Variants in NFATC2 observed in about 807,000 individuals in gnomAD.
NFATC2 encodes the protein nuclear factor of activated T cells 2.
Under a neutral mutation model 87.3 loss-of-function variants are expected in NFATC2, and 22 were observed. The observed-to-expected ratio is 0.25, with a 90% CI of 0.18 to 0.36. The LOEUF (loss-of-function observed/expected upper bound fraction) is 0.36, where lower values mean the gene tolerates loss of function less well. NFATC2 is among the 10% of genes least tolerant of loss of function. The pLI, the probability that NFATC2 is intolerant of heterozygous loss-of-function variation, is 1.00. For synonymous variants in NFATC2, 565 were observed against 542.2 expected, an observed-to-expected ratio of 1.04 and a Z score of -0.58; for missense variants, 1,149 against 1,259.1, an observed-to-expected ratio of 0.91 and a Z score of 1.32.
intron 5 of NFATC2, among the ~76,000 whole-genome samples, chr20:51,468,739 A>C (rs1270997107): frequency 1.3e-5 from 2 of 152,236 alleles, no homozygotes; most frequent in African/African-American, 4.8e-5. Flanking sequence ...CCGTCTTTAT[A>C]GGACAGAGAC....
At chr20:51,535,359 C>T (rs1054424816) in intron 1 of NFATC2, among the ~76,000 whole-genome samples, 1 of 152,254 alleles carries the variant, frequency 6.6e-6, no homozygotes, top group Non-Finnish European at 1.5e-5. Flanking sequence ...TCCCCTCGCA[C>T]AGCCTGAAAG....
At chr20:51,531,175 C>T (rs935976168) in intron 1 of NFATC2, among the ~76,000 whole-genome samples, 28 of 152,234 alleles carry the variant, frequency 1.8e-4, no homozygotes, top group Non-Finnish European at 3.5e-4. Context: ...CAGGCAGGCT[C>T]GCCCCCAGCT....
In NFATC2 at chr20:51,475,532, G is replaced by T. The variant is rs572182988; in HGVS notation, c.1461C>A (p.Thr487=). 24 of 1,614,086 alleles carry T rather than the reference G, an allele frequency of 1.5e-5. No homozygotes were observed. The African/African-American group carries it at 2.9e-4, about 20-fold the overall frequency. The change falls in exon 4 of 11, where the codon ACC becomes ACA. Residue 487 remains threonine, a synonymous_variant. Transcript: ENST00000371564. ...TGTTGCCCACTATCTTCTCATAGCT[G>T]GTGGTGGTGACAGTTTTCCCCGTGA... The part of the protein sequence containing the change: ...HRITGKTVTT[T]SYEKIVGNTK...
chr20:51,406,464 G>A (rs1304419692), intron 9 of NFATC2, among the ~76,000 whole-genome samples: 2 of 152,290 alleles, frequency 1.3e-5, no homozygotes, highest in African/African-American at 2.4e-5. Flanking sequence ...GAGCGGCTTG[G>A]CCCCCTCGGG....
intron 10 of NFATC2, among the ~76,000 whole-genome samples, chr20:51,395,517 A>C (rs1986930634): frequency 6.6e-6 from 1 of 152,138 alleles, no homozygotes; most frequent in South Asian, 2.1e-4. Context: ...AATTGAGGCC[A>C]GCAGTTGTGA....
chr20:51,420,008 G>A (rs1363078031), intron 9 of NFATC2, among the ~76,000 whole-genome samples: 2 of 86,432 alleles, frequency 2.3e-5, no homozygotes, highest in East Asian at 2.9e-4. Context: ...AGTTCATAAT[G>A]GTACCAAAAA....
chr20:51,475,684 A>C lies in NFATC2; in HGVS notation c.1333-24T>G, dbSNP rs1283013097. On this transcript the variant is annotated intron_variant, in intron 3 of 10. Transcript: ENST00000371564. ...AGCTGGTGGGGGAGAAAACAAAATCATTAAGGTGCGGGGTGTGGTGGCTCT... is the reference window on the plus strand; with the variant it reads ...AGCTGGTGGGGGAGAAAACAAAATCCTTAAGGTGCGGGGTGTGGTGGCTCT... 4 of 1,612,508 alleles carry C rather than the reference A, an allele frequency of 2.5e-6. No homozygotes were observed. In the African/African-American group the frequency reaches 5.3e-5, roughly 22 times the overall value.
chr20:51,534,437 C>G (rs918100533), intron 1 of NFATC2, among the ~76,000 whole-genome samples: 5 of 152,332 alleles, frequency 3.3e-5, no homozygotes, highest in Admixed American at 6.5e-5. Flanking sequence ...AGGGTTCAAG[C>G]AATTCTCCTG....
At chr20:51,510,048 C>G (rs190288175) in intron 3 of NFATC2, among the ~76,000 whole-genome samples, 5 of 152,290 alleles carry the variant, frequency 3.3e-5, no homozygotes, top group African/African-American at 9.6e-5. Context: ...TTGAAAGAAC[C>G]AAGAGGACTC....
intron 9 of NFATC2, among the ~76,000 whole-genome samples, chr20:51,408,042 G>A (rs542378450): frequency 1.1e-4 from 16 of 152,192 alleles, no homozygotes; most frequent in Non-Finnish European, 8.8e-5. Context: ...CATCCGCTCA[G>A]GCCACTGAGT....
chr20:51,404,026 G>A (rs913178318), intron 9 of NFATC2, among the ~76,000 whole-genome samples: 13 of 152,172 alleles, frequency 8.5e-5, no homozygotes, highest in Admixed American at 5.9e-4. Flanking sequence ...TGGCTGGTCC[G>A]TGGCAGGGGT....
rs542017182 is a variant in NFATC2, at chr20:51,475,117, C to T, written c.1535+341G>A. Among the ~76,000 whole-genome samples, 4 of 151,700 alleles carry T rather than the reference C, an allele frequency of 2.6e-5. No individual in the cohort carries two copies. In the South Asian group the frequency reaches 8.4e-4, roughly 32 times the overall value. On this transcript the variant is annotated intron_variant, in intron 4 of 10. Transcript: ENST00000371564. ...CAGAGTATCTGGGATTACAGGCGCC[C>T]GCCACCATACCCAGCTAATTTTTGT...
intron 3 of NFATC2, among the ~76,000 whole-genome samples, chr20:51,477,478 T>C (rs1988810522): frequency 6.8e-6 from 1 of 146,102 alleles, no homozygotes; most frequent in Admixed American, 6.9e-5. Flanking sequence ...TAGAAACCTG[T>C]GAAATATTTA....
At position 51,489,058 on chromosome 20, in the gene NFATC2, C is replaced by T. The variant is rs187190133; in HGVS notation, c.1333-13398G>A. 1.6e-3 allele frequency among the ~76,000 whole-genome samples: 239 copies of T among 152,284 alleles called. 1 individual carries two copies. Among genetic ancestry groups the T allele is most frequent in the Non-Finnish European group, 2.8e-3 (188 of 68,024 alleles). On this transcript the variant is annotated intron_variant, in intron 3 of 10. Coordinates refer to ENST00000371564, the MANE Select transcript of NFATC2 (RefSeq NM_012340.5). ...TACAAAAATTAGCCAGACAGGGTGGCGGGCGCCTGCAATCCCAGCTACTCA... is the reference window on the plus strand; with the variant it reads ...TACAAAAATTAGCCAGACAGGGTGGTGGGCGCCTGCAATCCCAGCTACTCA...
chr20:51,423,452 G>C (rs1011602505), intron 9 of NFATC2, among the ~76,000 whole-genome samples: 5 of 152,128 alleles, frequency 3.3e-5, no homozygotes, highest in Non-Finnish European at 2.9e-5. Flanking sequence ...GGTACATCCA[G>C]CATAGCACAC....
chr20:51,393,375 A>G (rs1986596823), intron 10 of NFATC2, among the ~76,000 whole-genome samples: 1 of 152,242 alleles, frequency 6.6e-6, no homozygotes, highest in Non-Finnish European at 1.5e-5. Flanking sequence ...CACAGTGCCC[A>G]GCGTTCAGCC....
intron 9 of NFATC2, among the ~76,000 whole-genome samples, chr20:51,422,345 G>T (rs1981060671): frequency 6.6e-6 from 1 of 152,126 alleles, no homozygotes; most frequent in Non-Finnish European, 1.5e-5. Flanking sequence ...TGTTGCTGAG[G>T]ACCAGAACGG....
chr20:51,506,774 G>A (rs1201083842), intron 3 of NFATC2, among the ~76,000 whole-genome samples: 1 of 152,150 alleles, frequency 6.6e-6, no homozygotes, highest in African/African-American at 2.4e-5. Flanking sequence ...GGTCCCAGGT[G>A]TGGTCATGGT....
intron 3 of NFATC2, among the ~76,000 whole-genome samples, chr20:51,499,390 A>G (rs1346940336): frequency 6.6e-6 from 1 of 152,244 alleles, no homozygotes; most frequent in Admixed American, 6.5e-5. Flanking sequence ...GAAGGCCAAC[A>G]GGCCAACTGG....
Sources: gnomAD v4.1 joint callset for allele counts (sites outside exome capture counted in the v4.1 genomes callset) on GRCh38, gnomAD v4.1.1 for gene constraint, MANE v1.5 for transcripts, NCBI Gene and HGNC (gene_info 2026-07-23, HGNC 2026-07-21) for gene names.